The following ARHGAP10 variants were observed in gnomAD, a reference collection of about 807,000 sequenced individuals.
ARHGAP10 encodes the protein Rho GTPase activating protein 10.
ARHGAP10 carries 87 observed loss-of-function variants against 108.6 expected under a neutral mutation model. That is an observed-to-expected ratio of 0.80 (90% CI 0.67 to 0.96). ARHGAP10 has a LOEUF of 0.96. ARHGAP10 is among the 40% of genes least tolerant of loss of function. The pLI is 0.00. For synonymous variants in ARHGAP10, 347 were observed against 341.1 expected (o/e 1.02, Z -0.19); for missense variants, 939 against 954.5 (o/e 0.98, Z 0.21).
intron 7 of ARHGAP10, among the ~76,000 whole-genome samples, chr4:147,870,562 CTTT>C (rs34085253): frequency 0.095 from 13,279 of 139,812 alleles, 614 homozygotes; most frequent in East Asian, 0.17. Flanking sequence ...AGTGGCTAGA[CTTT>C]TTTTTTTTTT....
At chr4:148,045,682 G>T (rs556220552) in intron 19 of ARHGAP10, among the ~76,000 whole-genome samples, 1 of 140,792 alleles carries the variant, frequency 7.1e-6, no homozygotes, top group Non-Finnish European at 1.5e-5. Context: ...AGCTTGCGGT[G>T]AGCCGAGATC....
chr4:148,017,015 C>T (rs1375344439), intron 18 of ARHGAP10, among the ~76,000 whole-genome samples: 1 of 146,876 alleles, frequency 6.8e-6, no homozygotes, highest in Admixed American at 6.8e-5. Flanking sequence ...ACCAGCTGGG[C>T]GTGGTGGTAC....
chr4:147,943,686 G>T (rs1045247702), intron 14 of ARHGAP10, among the ~76,000 whole-genome samples: 2 of 152,180 alleles, frequency 1.3e-5, no homozygotes, highest in African/African-American at 4.8e-5. Context: ...GGTCAGAAAG[G>T]AAGCAAATTG....
chr4:147,746,227 C>T (rs935116877), intron 1 of ARHGAP10, among the ~76,000 whole-genome samples: 3 of 151,938 alleles, frequency 2.0e-5, no homozygotes, highest in Non-Finnish European at 2.9e-5. Context: ...CCTCAGCCTC[C>T]CGAGTAGCTG....
intron 1 of ARHGAP10, among the ~76,000 whole-genome samples, chr4:147,773,762 A>C (rs542744435): frequency 6.6e-6 from 1 of 152,312 alleles, no homozygotes; most frequent in South Asian, 2.1e-4. Context: ...TTGATTCTCT[A>C]CCTTGGTTCT....
chr4:148,052,361 T>G (rs565157839), intron 20 of ARHGAP10, among the ~76,000 whole-genome samples: 2 of 150,654 alleles, frequency 1.3e-5, no homozygotes, highest in South Asian at 4.2e-4. Flanking sequence ...AAAAAAGATT[T>G]ATCTTTTAAA....
intron 3 of ARHGAP10, among the ~76,000 whole-genome samples, chr4:147,839,104 C>CG (rs1036892934): frequency 1.5e-5 from 2 of 130,052 alleles, no homozygotes; most frequent in Non-Finnish European, 3.2e-5. Flanking sequence ...ATCTATCTAT[C>CG]TATCTATCTA....
rs191316932 is a variant in ARHGAP10, at chr4:147,970,885, C to T, written c.1716+4046C>T. ...GGCAGATCACCTGAGGTCAGGAGTT[C>T]GAGACCAGCCTGGCCAACATGGCAA... On this transcript the variant is annotated intron_variant, in intron 18 of 22. Coordinates refer to ENST00000336498, the MANE Select transcript of ARHGAP10 (RefSeq NM_024605.4). Among the ~76,000 whole-genome samples the T allele has an allele frequency of 1.0e-3, 157 of 152,162 alleles. 1 individual carries two copies. Among genetic ancestry groups the T allele is most frequent in the African/African-American group, 3.6e-3 (148 of 41,524 alleles).
At chr4:147,766,828 ATATATATATATTTATT>A (rs1354989998) in intron 1 of ARHGAP10, among the ~76,000 whole-genome samples, 5 of 24,086 alleles carry the variant, frequency 2.1e-4, no homozygotes, top group African/African-American at 3.6e-4. Flanking sequence ...ATATATATAT[ATATATATATATTTATT>A]TATTTATTTA....
intron 3 of ARHGAP10, among the ~76,000 whole-genome samples, chr4:147,826,210 T>C (rs150120962): frequency 6.1e-4 from 93 of 152,252 alleles, no homozygotes; most frequent in African/African-American, 9.4e-4. Context: ...CTGTTTTAGG[T>C]TCCTAGAAAT....
At chr4:147,985,543 C>G (rs933532713) in intron 18 of ARHGAP10, among the ~76,000 whole-genome samples, 1 of 152,166 alleles carries the variant, frequency 6.6e-6, no homozygotes, top group African/African-American at 2.4e-5. Flanking sequence ...AATTCTAGTA[C>G]CTACTGTTGG....
intron 20 of ARHGAP10, among the ~76,000 whole-genome samples, chr4:148,054,325 A>G (rs573731007): frequency 6.6e-6 from 1 of 152,334 alleles, no homozygotes; most frequent in African/African-American, 2.4e-5. Context: ...TAAGCAAACC[A>G]AGGCTTAGCA....
At chr4:147,982,670 G>T (rs1739863766) in intron 18 of ARHGAP10, among the ~76,000 whole-genome samples, 2 of 150,540 alleles carry the variant, frequency 1.3e-5, no homozygotes, top group Admixed American at 1.3e-4. Context: ...CAAAGTGTTG[G>T]GATTACAGGT....
At chr4:147,858,180 T>C (rs1248673100) in intron 5 of ARHGAP10, 1 of 152,208 alleles carries the variant, frequency 6.6e-6, no homozygotes, top group Non-Finnish European at 1.5e-5. Context: ...TTATATTTTA[T>C]TTTTCATTTT....
intron 18 of ARHGAP10, among the ~76,000 whole-genome samples, chr4:147,997,262 T>G (rs1740511944): frequency 6.6e-6 from 1 of 152,206 alleles, no homozygotes; most frequent in African/African-American, 2.4e-5. Flanking sequence ...GGGAAAAATG[T>G]AAACTGTACA....
intron 18 of ARHGAP10, among the ~76,000 whole-genome samples, chr4:147,973,837 G>T (rs1339345838): frequency 3.3e-5 from 5 of 152,112 alleles, no homozygotes; most frequent in African/African-American, 1.2e-4. Flanking sequence ...ATTACCTTCA[G>T]TTCCATCCAT....
Position 147,732,434 on chromosome 4 carries a change from A to G in ARHGAP10, c.133A>G (p.Asn45Asp). The G allele has an allele frequency of 1.9e-6, 3 of 1,612,266 alleles. No homozygotes were observed. The highest frequency in any genetic ancestry group is 2.2e-5 in the South Asian group (2 of 90,870). The change falls in exon 1 of 23, where the codon AAC (asparagine) becomes GAC (aspartate). Residue 45 changes from asparagine to aspartate, a missense_variant. Coordinates refer to ENST00000336498, the MANE Select transcript of ARHGAP10 (RefSeq NM_024605.4). ...CAAAGAGCTCATTAAGGACGGGAAGAACCTCATCGCTGCGACGAAAAGTAA... is the reference window on the plus strand; with the variant it reads ...CAAAGAGCTCATTAAGGACGGGAAGGACCTCATCGCTGCGACGAAAAGTAA... ...FIKELIKDGK[N>D]LIAATKSLSV... is the part of the protein sequence containing the mutation.
intron 15 of ARHGAP10, among the ~76,000 whole-genome samples, chr4:147,948,776 G>A (rs1738482190): frequency 6.6e-6 from 1 of 151,454 alleles, no homozygotes; most frequent in Admixed American, 6.6e-5. Context: ...CTAACACGGT[G>A]AAACCCCGTC....
intron 18 of ARHGAP10, among the ~76,000 whole-genome samples, chr4:147,970,268 A>G (rs1739356484): frequency 6.6e-6 from 1 of 152,108 alleles, no homozygotes; most frequent in African/African-American, 2.4e-5. Flanking sequence ...ACCTAAGTAT[A>G]CCCTTCAGAG....
Sources: gnomAD v4.1 joint callset for allele counts (sites outside exome capture counted in the v4.1 genomes callset) on GRCh38, gnomAD v4.1.1 for gene constraint, MANE v1.5 for transcripts, NCBI Gene and HGNC (gene_info 2026-07-23, HGNC 2026-07-21) for gene names.